The following HSD17B4 variants were observed in gnomAD, a reference collection of about 807,000 sequenced individuals.
HSD17B4 encodes hydroxysteroid 17-beta dehydrogenase 4, also known as peroxisomal multifunctional enzyme type 2.
Under a neutral mutation model 101.0 loss-of-function variants are expected in HSD17B4, and 70 were observed. The observed-to-expected ratio is 0.69, with a 90% CI of 0.57 to 0.85. The LOEUF (loss-of-function observed/expected upper bound fraction) is 0.85, where lower values mean the gene tolerates loss of function less well. Among genes scored for constraint, HSD17B4 ranks in the 40% least tolerant of loss-of-function variants. HSD17B4 has a pLI of 0.00. For synonymous variants in HSD17B4, 347 were observed against 297.1 expected, an observed-to-expected ratio of 1.17 and a Z score of -1.73; for missense variants, 984 against 892.4, an observed-to-expected ratio of 1.10 and a Z score of -1.31.
chr5:119,529,428 T>C (rs1330906196), intron 20 of HSD17B4, among the ~76,000 whole-genome samples: 1 of 152,188 alleles, frequency 6.6e-6, no homozygotes, highest in African/African-American at 2.4e-5. Context: ...TATTCTATAT[T>C]AGCAGAACAA....
rs778907771 is a variant in HSD17B4, at chr5:119,529,895, T to A, written c.1769T>A (p.Val590Asp). Residue 590 changes from valine (V) to aspartate (D), a missense_variant and splice_region_variant, in exon 21 of 24, where the codon GTC becomes GAC. Transcript: ENST00000510025. ...TTTTTTTTTTCTTCTCCTCCTAAGG[T>A]CCAAGAAACTGGAGACATTGTCATT... Reference protein sequence around the residue: ...EGNRIHFQTKVQETGDIVISN... With the variant: ...EGNRIHFQTKDQETGDIVISN... 1.3e-6 allele frequency: 2 copies of A among 1,583,996 alleles called. No homozygotes were observed. The highest frequency in any genetic ancestry group is 1.7e-6 in the Non-Finnish European group (2 of 1,153,646).
chr5:119,533,257 G>A (rs1011305378), intron 22 of HSD17B4, among the ~76,000 whole-genome samples: 1 of 150,610 alleles, frequency 6.6e-6, no homozygotes, highest in African/African-American at 2.4e-5. Context: ...TCTCTGCTAG[G>A]TGGAGACTAC....
At position 119,499,423 on chromosome 5, in the gene HSD17B4, A is replaced by G; in HGVS notation, c.1079A>G (p.Asp360Gly). ...GVGASIKDPK[D>G]LKFIYEGSSD... ...GGAGCGTCAATCAAGGATCCAAAAG[A>G]TTTGAAATTTATTTATGAAGGAAGT... Residue 360 changes from aspartate to glycine, a missense_variant, in exon 13 of 24, where the codon GAT (aspartate) becomes GGT (glycine). By Grantham distance (94) the Asp-to-Gly change is moderately conservative. Transcript: ENST00000510025. 2 of 1,613,718 alleles carry G rather than the reference A, an allele frequency of 1.2e-6. No individual in the cohort carries two copies. The highest frequency in any genetic ancestry group is 1.3e-5 in the African/African-American group (1 of 75,022).
chr5:119,467,199 C>T (rs563562565), intron 2 of HSD17B4, among the ~76,000 whole-genome samples: 25 of 152,250 alleles, frequency 1.6e-4, no homozygotes, highest in East Asian at 7.7e-4. Context: ...TGGTCTGTTG[C>T]GGAGAATGTT....
intron 17 of HSD17B4, among the ~76,000 whole-genome samples, chr5:119,523,296 A>G (rs978158244): frequency 7.2e-5 from 11 of 152,158 alleles, no homozygotes; most frequent in African/African-American, 2.7e-4. Flanking sequence ...AATATGCAAA[A>G]TAATATATAG....
chr5:119,520,036 G>T (rs968504425), intron 17 of HSD17B4, among the ~76,000 whole-genome samples: 6 of 151,908 alleles, frequency 3.9e-5, no homozygotes, highest in African/African-American at 1.5e-4. Flanking sequence ...TTTCCAATAC[G>T]TGTCACCTTC....
intron 2 of HSD17B4, among the ~76,000 whole-genome samples, chr5:119,471,440 C>A (rs1474572236): frequency 1.3e-5 from 2 of 151,902 alleles, no homozygotes; most frequent in African/African-American, 4.8e-5. Context: ...TAATTTTAGG[C>A]ATTGGCTTTT....
chr5:119,470,946 A>G (rs1260925733), intron 2 of HSD17B4, among the ~76,000 whole-genome samples: 1 of 152,170 alleles, frequency 6.6e-6, no homozygotes, highest in Non-Finnish European at 1.5e-5. Context: ...TTACCCCAAT[A>G]TTATTTAACT....
intron 1 of HSD17B4, among the ~76,000 whole-genome samples, chr5:119,455,522 A>AC (rs1276258780): frequency 6.6e-6 from 1 of 150,386 alleles, no homozygotes; most frequent in East Asian, 2.0e-4. Context: ...ATCTCAAAAA[A>AC]AAAGAAAAAA....
Position 119,526,003 on chromosome 5 carries a change from T to G in HSD17B4, c.1660T>G (p.Ser554Ala). ...VLQQFADNDV[S>A]RFKAIKARFA... is the part of the protein sequence containing the mutation. ...ACAGCAGTTTGCAGATAATGATGTG[T>G]CAAGATTCAAGGCAATTAAGGTAAA... Residue 554 changes from serine (S) to alanine (A), a missense_variant, in exon 19 of 24, where the codon TCA (serine) becomes GCA (alanine). Ser to Ala is a moderately conservative substitution (Grantham distance 99). Coordinates refer to ENST00000510025, the MANE Select transcript of HSD17B4 (RefSeq NM_000414.4). The G allele has an allele frequency of 6.3e-7, 1 of 1,594,864 alleles. No homozygotes were observed. Among genetic ancestry groups the G allele is most frequent in the Non-Finnish European group, 8.6e-7 (1 of 1,162,688 alleles).
Position 119,486,735 on chromosome 5 carries a change from G to T in HSD17B4, c.623-2457G>T, listed in dbSNP as rs565371838. Among the ~76,000 whole-genome samples, 29 of 152,172 alleles carry T rather than the reference G, an allele frequency of 1.9e-4. 1 individual carries two copies. The East Asian group carries it at 5.4e-3, about 28-fold the overall frequency. ...AATCTGCTTTTATTCTTGTACATGT[G>T]TTCTGGATTACAAGAACAAGAATTT... is the stretch of plus-strand genomic sequence containing the variant. On this transcript the variant is annotated intron_variant, in intron 8 of 23. Coordinates refer to ENST00000510025, the MANE Select transcript of HSD17B4 (RefSeq NM_000414.4).
At chr5:119,493,633 T>C (rs1750314927) in intron 10 of HSD17B4, 185 bp from the exon 11 acceptor site, 7 of 561,734 alleles carry the variant, frequency 1.2e-5, no homozygotes, top group African/African-American at 1.9e-5. Context: ...TTTCTTTAAA[T>C]TGACCTTATC....
chr5:119,485,081 A>G (rs936645865), intron 8 of HSD17B4, among the ~76,000 whole-genome samples: 2 of 152,170 alleles, frequency 1.3e-5, no homozygotes, highest in Admixed American at 1.3e-4. Context: ...GAATTGGAAC[A>G]TTGCCAATAA....
intron 15 of HSD17B4, among the ~76,000 whole-genome samples, chr5:119,507,782 C>T (rs32661): frequency 0.61 from 88,158 of 144,330 alleles, 26,491 homozygotes; most frequent in East Asian, 0.91. Flanking sequence ...AGACTCTGTA[C>T]CAAAAAAAAA....
intron 2 of HSD17B4, among the ~76,000 whole-genome samples, chr5:119,467,899 C>T (rs1222004914): frequency 1.3e-5 from 2 of 151,764 alleles, no homozygotes; most frequent in African/African-American, 4.8e-5. Flanking sequence ...TTTTTCTGTC[C>T]TTTCATTTTC....
At chr5:119,465,380 T>G (rs1401239467) in intron 2 of HSD17B4, among the ~76,000 whole-genome samples, 1 of 152,200 alleles carries the variant, frequency 6.6e-6, no homozygotes, top group Non-Finnish European at 1.5e-5. Flanking sequence ...CTTACTCAGT[T>G]CATGTGAGAT....
intron 17 of HSD17B4, among the ~76,000 whole-genome samples, chr5:119,523,711 G>T (rs868655210): frequency 1.3e-5 from 2 of 152,118 alleles, no homozygotes; most frequent in Non-Finnish European, 2.9e-5. Flanking sequence ...TTGGTTGTTT[G>T]TATTGTTGCT....
At chr5:119,482,599 A>C (rs558110229) in intron 8 of HSD17B4, among the ~76,000 whole-genome samples, 1 of 152,264 alleles carries the variant, frequency 6.6e-6, no homozygotes, top group South Asian at 2.1e-4. Context: ...TTTTATGTTT[A>C]TCTCGTTAGG....
intron 14 of HSD17B4, among the ~76,000 whole-genome samples, chr5:119,503,303 A>G (rs771235968): frequency 3.3e-5 from 5 of 152,108 alleles, no homozygotes; most frequent in Non-Finnish European, 7.4e-5. Flanking sequence ...GATTAGATGT[A>G]TACTCCAGAG....
Sources: gnomAD v4.1 joint callset for allele counts (sites outside exome capture counted in the v4.1 genomes callset) on GRCh38, gnomAD v4.1.1 for gene constraint, MANE v1.5 for transcripts, NCBI Gene and HGNC (gene_info 2026-07-23, HGNC 2026-07-21) for gene names.